The following DPYD variants were observed in gnomAD, a reference collection of about 807,000 sequenced individuals.
DPYD encodes the protein dihydropyrimidine dehydrogenase [NADP(+)].
A neutral mutation model predicts 116.2 loss-of-function variants in DPYD; 109 were observed. That is an observed-to-expected ratio of 0.94 (90% CI 0.80 to 1.10). The LOEUF (loss-of-function observed/expected upper bound fraction) is 1.10. Among genes scored for constraint, DPYD ranks in the 50% least tolerant of loss-of-function variants. DPYD has a pLI of 0.00. For synonymous variants in DPYD, 440 were observed against 432.0 expected, an observed-to-expected ratio of 1.02 and a Z score of -0.23; for missense variants, 1,302 against 1,254.5, an observed-to-expected ratio of 1.04 and a Z score of -0.57.
intron 11 of DPYD, among the ~76,000 whole-genome samples, chr1:97,553,053 G>T (rs544060049): frequency 2.6e-5 from 4 of 151,862 alleles, no homozygotes; most frequent in East Asian, 3.9e-4. Context: ...TGCTACAGTG[G>T]GTCAGAAATA....
At chr1:97,402,490 C>T (rs1673429966) in intron 14 of DPYD, among the ~76,000 whole-genome samples, 1 of 152,064 alleles carries the variant, frequency 6.6e-6, no homozygotes, top group South Asian at 2.1e-4. Context: ...TTGCTATAAT[C>T]ACTTGTTAGT....
intron 15 of DPYD, among the ~76,000 whole-genome samples, chr1:97,377,230 GTTTA>G (rs1280226110): frequency 6.6e-6 from 1 of 151,920 alleles, no homozygotes; most frequent in African/African-American, 2.4e-5. Flanking sequence ...AAAAAAGAAA[GTTTA>G]TTTTTTACAG....
intron 5 of DPYD, among the ~76,000 whole-genome samples, chr1:97,709,461 AAC>A (rs1385269238): frequency 6.6e-6 from 1 of 151,730 alleles, no homozygotes; most frequent in Non-Finnish European, 1.5e-5. Flanking sequence ...ATTCTTGAGG[AAC>A]ATTTTTAATA....
intron 16 of DPYD, chr1:97,308,246 A>T (rs1338112635): frequency 6.6e-6 from 1 of 151,692 alleles, no homozygotes; most frequent in African/African-American, 2.4e-5. Context: ...TTAGAAACAC[A>T]TGGTTTTTTT....
intron 20 of DPYD, among the ~76,000 whole-genome samples, chr1:97,134,155 G>A (rs1317827954): frequency 1.4e-5 from 2 of 148,132 alleles, no homozygotes; most frequent in East Asian, 2.0e-4. Context: ...TTTAGGTAAA[G>A]ACTTATGGCC....
At chr1:97,628,814 A>G (rs1187127914) in intron 8 of DPYD, among the ~76,000 whole-genome samples, 1 of 152,114 alleles carries the variant, frequency 6.6e-6, no homozygotes, top group Non-Finnish European at 1.5e-5. Context: ...ATGCATGTAT[A>G]TATGTATGTA....
intron 6 of DPYD, among the ~76,000 whole-genome samples, chr1:97,696,134 AAAAG>A (rs1480932196): frequency 5.3e-5 from 8 of 151,292 alleles, no homozygotes; most frequent in Admixed American, 1.3e-4. Context: ...TTTCAAAAAA[AAAAG>A]AAAGAAAAAA....
intron 11 of DPYD, among the ~76,000 whole-genome samples, chr1:97,572,594 T>C (rs1053494609): frequency 6.6e-6 from 1 of 151,978 alleles, no homozygotes; most frequent in African/African-American, 2.4e-5. Context: ...ATTTTTAAGA[T>C]AATATAAGCA....
At chr1:97,587,392 G>T (rs140833033) in intron 10 of DPYD, among the ~76,000 whole-genome samples, 1 of 152,120 alleles carries the variant, frequency 6.6e-6, no homozygotes, top group East Asian at 1.9e-4. Context: ...GGTGCCAAAC[G>T]TTGAAGAACT....
intron 19 of DPYD, among the ~76,000 whole-genome samples, chr1:97,195,076 A>G (rs1448207451): frequency 6.6e-6 from 1 of 152,154 alleles, no homozygotes; most frequent in Non-Finnish European, 1.5e-5. Context: ...GTCATTTACA[A>G]CTTCCTGTAG....
At chr1:97,388,544 G>A (rs935627562) in intron 14 of DPYD, among the ~76,000 whole-genome samples, 6 of 152,066 alleles carry the variant, frequency 3.9e-5, no homozygotes, top group African/African-American at 1.4e-4. Flanking sequence ...CAACCGTGAT[G>A]AATGCTTCTG....
chr1:97,421,902 A>G (rs755611290), intron 14 of DPYD, among the ~76,000 whole-genome samples: 1 of 152,192 alleles, frequency 6.6e-6, no homozygotes, highest in Non-Finnish European at 1.5e-5. Context: ...CTGAAATGGT[A>G]CGAGTGAAAT....
At chr1:97,345,729 A>G (rs1271143828) in intron 16 of DPYD, among the ~76,000 whole-genome samples, 1 of 151,952 alleles carries the variant, frequency 6.6e-6, no homozygotes, top group Non-Finnish European at 1.5e-5. Context: ...CCCATTTTAC[A>G]GAAGACAAAA....
chr1:97,735,668 A>G (rs1663891896), intron 4 of DPYD, among the ~76,000 whole-genome samples: 1 of 149,344 alleles, frequency 6.7e-6, no homozygotes. Flanking sequence ...AGCCTGGGCG[A>G]CAGAGCAAGA....
At chr1:97,462,536 C>T (rs1291622736) in intron 13 of DPYD, among the ~76,000 whole-genome samples, 6 of 152,036 alleles carry the variant, frequency 3.9e-5, no homozygotes, top group Admixed American at 3.9e-4. Flanking sequence ...CTGGACATGC[C>T]TCATTCTACC....
chr1:97,133,291 T>G (rs879225959), intron 20 of DPYD, among the ~76,000 whole-genome samples: 1 of 152,080 alleles, frequency 6.6e-6, no homozygotes, highest in Admixed American at 6.5e-5. Context: ...ATATTTTTGG[T>G]CTTCTCCTTT....
intron 4 of DPYD, among the ~76,000 whole-genome samples, chr1:97,734,517 A>C (rs2101055584): frequency 6.6e-6 from 1 of 151,850 alleles, no homozygotes; most frequent in Non-Finnish European, 1.5e-5. Flanking sequence ...CCCAATTACT[A>C]CTCCTATATT....
chr1:97,332,697 T>C lies in DPYD; in HGVS notation c.2059-26400A>G, dbSNP rs949830165. On this transcript the variant is annotated intron_variant, in intron 16 of 22. Transcript: ENST00000370192. The stretch of plus-strand genomic sequence containing the variant: ...GAATAGTAATGTAAATCACAAACTC[T>C]GGAAAAATGAACAAAATGCATAGTC... 5.3e-5 allele frequency among the ~76,000 whole-genome samples: 8 copies of C among 152,184 alleles called. No homozygotes were observed. In the South Asian group the frequency reaches 1.0e-3, roughly 20 times the overall value.
At chr1:97,554,475 T>A (rs768712969) in intron 11 of DPYD, among the ~76,000 whole-genome samples, 1 of 152,082 alleles carries the variant, frequency 6.6e-6, no homozygotes, top group African/African-American at 2.4e-5. Flanking sequence ...CTTGAAAACA[T>A]AGATGAATTC....
Sources: gnomAD v4.1 joint callset for allele counts (sites outside exome capture counted in the v4.1 genomes callset) on GRCh38, gnomAD v4.1.1 for gene constraint, MANE v1.5 for transcripts, NCBI Gene and HGNC (gene_info 2026-07-23, HGNC 2026-07-21) for gene names.